The following PLA2R1 variants were observed in gnomAD, a reference collection of about 807,000 sequenced individuals.
The protein encoded by PLA2R1 is phospholipase A2 receptor 1, also known as secretory phospholipase A2 receptor.
In PLA2R1, 158 loss-of-function variants were observed where a neutral mutation model predicts 195.9. That is an observed-to-expected ratio of 0.81 (90% CI 0.71 to 0.92). The LOEUF (loss-of-function observed/expected upper bound fraction) is 0.92, where lower values mean the gene tolerates loss of function less well. PLA2R1 is among the 40% of genes least tolerant of loss of function. The probability of loss-of-function intolerance (pLI) is 0.00; values close to 1 mark genes in which losing one functional copy is unlikely to be tolerated. For missense variants in PLA2R1, 1,626 were observed against 1,764.6 expected, an observed-to-expected ratio of 0.92 and a Z score of 1.41; for synonymous variants, 586 against 598.2, an observed-to-expected ratio of 0.98 and a Z score of 0.30.
At chr2:159,959,879 T>TA (rs978197208) in intron 20 of PLA2R1, among the ~76,000 whole-genome samples, 5 of 152,166 alleles carry the variant, frequency 3.3e-5, no homozygotes, top group African/African-American at 1.2e-4. Flanking sequence ...ACCACTATCT[T>TA]AGCCCAACCT....
At chr2:159,970,294 CT>C (rs1689075933) in intron 17 of PLA2R1, 82 bp from the exon 18 acceptor site, 1 of 846,346 alleles carries the variant, frequency 1.2e-6, no homozygotes, top group Non-Finnish European at 1.9e-6. Context: ...CTGCTAATAG[CT>C]TTCTATTCTT....
Position 159,940,274 on chromosome 2 carries a change from C to G in PLA2R1, c.*1504G>C, listed in dbSNP as rs1469746962. 6.6e-6 allele frequency: 1 copy of G among 152,196 alleles called. No homozygotes were observed. Among genetic ancestry groups the G allele is most frequent in the Non-Finnish European group, 1.5e-5 (1 of 68,040 alleles). 9.4% of individuals were successfully genotyped at this position (152,196 alleles called of 1,614,324 possible). ...GAACCTTACTTCATTTTCATAACCA[C>G]TTGCTATTTTATGCATATGCATTTC... On this transcript the variant is annotated 3_prime_UTR_variant, in exon 30 of 30. Coordinates refer to ENST00000283243, the MANE Select transcript of PLA2R1 (RefSeq NM_007366.5).
intron 8 of PLA2R1, among the ~76,000 whole-genome samples, chr2:160,018,335 C>T (rs896767299): frequency 6.6e-6 from 1 of 152,134 alleles, no homozygotes. Flanking sequence ...AATAAATCAG[C>T]AGATACTGTA....
chr2:159,984,913 C>T (rs185355485), intron 12 of PLA2R1, among the ~76,000 whole-genome samples: 6 of 152,326 alleles, frequency 3.9e-5, no homozygotes, highest in Admixed American at 3.3e-4. Flanking sequence ...GAATGAATAG[C>T]TTTCCAAGTC....
rs1208667935 is a variant in PLA2R1, at chr2:159,976,681, T to C, written c.2437+4A>G. On this transcript the variant is annotated splice_donor_region_variant and intron_variant, in intron 16 of 29. Coordinates refer to ENST00000283243, the MANE Select transcript of PLA2R1 (RefSeq NM_007366.5). ...AATTCAAGAGCTGCCAGAGTCATTC[T>C]TACCGTACTGGTACCAGAACGGAAT... is the stretch of plus-strand genomic sequence containing the variant. 3 of 1,589,106 alleles carry C rather than the reference T, an allele frequency of 1.9e-6. No individual in the cohort carries two copies. Among genetic ancestry groups the C allele is most frequent in the Non-Finnish European group, 2.6e-6 (3 of 1,157,354 alleles).
Position 159,992,906 on chromosome 2 carries a change from G to C in PLA2R1, c.1835-5548C>G, listed in dbSNP as rs879077431. 2.0e-5 allele frequency among the ~76,000 whole-genome samples: 3 copies of C among 152,228 alleles called. No individual in the cohort carries two copies. In the South Asian group the frequency reaches 6.2e-4, roughly 32 times the overall value. ...CATCCCATATGAATGAAACACGCCAGGGGTATCTAGGTCTAGAAACAAAAC... is the reference window on the plus strand; with the variant it reads ...CATCCCATATGAATGAAACACGCCACGGGTATCTAGGTCTAGAAACAAAAC... On this transcript the variant is annotated intron_variant, in intron 11 of 29. Transcript: ENST00000283243.
intron 13 of PLA2R1, among the ~76,000 whole-genome samples, 167 bp downstream of exon 13, chr2:159,983,761 C>T (rs1690132545): frequency 6.6e-6 from 1 of 152,038 alleles, no homozygotes; most frequent in Non-Finnish European, 1.5e-5. Flanking sequence ...AAATGAGAAC[C>T]TGGTACAAGA....
chr2:159,948,983 G>C (rs1308932332), intron 25 of PLA2R1, among the ~76,000 whole-genome samples: 1 of 152,098 alleles, frequency 6.6e-6, no homozygotes, highest in East Asian at 1.9e-4. Flanking sequence ...TTAATAAAGG[G>C]GTTAGGCCAG....
In PLA2R1 at chr2:159,938,530, C is replaced by A. The variant is rs1686936188; in HGVS notation, c.*3248G>T. On this transcript the variant is annotated 3_prime_UTR_variant, in exon 30 of 30. Coordinates refer to ENST00000283243, the MANE Select transcript of PLA2R1 (RefSeq NM_007366.5). ...TGCAGTGTTCGGATAGGGAATTCAA[C>A]AGGAGACACAGCCAGTTCTCAAGAG... The A allele has an allele frequency of 6.6e-6, 1 of 152,314 alleles. No individual in the cohort carries two copies. The highest frequency in any genetic ancestry group is 2.4e-5 in the African/African-American group (1 of 41,468). 9.4% of individuals were successfully genotyped at this position (152,314 alleles called of 1,614,324 possible). A position where few individuals can be genotyped will look rare whatever the true frequency, so the allele number is the denominator to read the frequency against.
chr2:160,062,596 GA>G lies in PLA2R1; in HGVS notation c.-194del. The stretch of plus-strand genomic sequence containing the variant: ...ACTCCGCCACCGCTGTCTCCACAGT[GA>G]ACCGACACTCGGGGCTCTGGGCTGG... On this transcript the variant is annotated 5_prime_UTR_variant, in exon 1 of 30. Transcript: ENST00000283243. 1 of 993,482 alleles carries G rather than the reference GA, an allele frequency of 1.0e-6. No individual in the cohort carries two copies. Among genetic ancestry groups the G allele is most frequent in the Non-Finnish European group, 1.4e-6 (1 of 737,198 alleles). 61.5% of individuals were successfully genotyped at this position (993,482 alleles called of 1,614,324 possible).
intron 6 of PLA2R1, among the ~76,000 whole-genome samples, chr2:160,023,659 T>C (rs1228840244): frequency 1.3e-5 from 2 of 152,236 alleles, no homozygotes; most frequent in Non-Finnish European, 2.9e-5. Flanking sequence ...CTTTATTCCT[T>C]TACTTTCCTA....
At chr2:159,993,644 T>C (rs1690995680) in intron 11 of PLA2R1, among the ~76,000 whole-genome samples, 1 of 151,932 alleles carries the variant, frequency 6.6e-6, no homozygotes, top group Admixed American at 6.6e-5. Context: ...AATTTATATC[T>C]TGTCATACCA....
chr2:160,054,756 T>C (rs1051193506), intron 1 of PLA2R1, among the ~76,000 whole-genome samples: 2 of 152,212 alleles, frequency 1.3e-5, no homozygotes, highest in Non-Finnish European at 2.9e-5. Flanking sequence ...CTTTTGTTTA[T>C]TTTATGAACA....
chr2:160,031,488 G>A (rs79059771), intron 4 of PLA2R1, among the ~76,000 whole-genome samples: 6,384 of 152,252 alleles, frequency 0.042, 360 homozygotes, highest in East Asian at 0.26. Flanking sequence ...CTGAGTGTTT[G>A]TTATGTGTGC....
At chr2:159,968,728 C>A (rs1217044425) in intron 19 of PLA2R1, among the ~76,000 whole-genome samples, 1 of 152,132 alleles carries the variant, frequency 6.6e-6, no homozygotes, top group Non-Finnish European at 1.5e-5. Flanking sequence ...TTTAAAAAAC[C>A]AATCTTCAAC....
chr2:160,024,989 C>T (rs978428209), intron 6 of PLA2R1, among the ~76,000 whole-genome samples: 2 of 152,206 alleles, frequency 1.3e-5, no homozygotes, highest in Admixed American at 1.3e-4. Flanking sequence ...GGAGTCACCA[C>T]TGCCTGGTGC....
chr2:160,016,485 G>C, intron 9 of PLA2R1, 129 bp downstream of exon 9: 2 of 621,100 alleles, frequency 3.2e-6, no homozygotes, highest in Admixed American at 2.7e-5. Context: ...GGGGGTGCGA[G>C]GAGAGAGAGA....
downstream of PLA2R1, among the ~76,000 whole-genome samples, chr2:159,930,180 G>A (rs926533358): frequency 7.2e-5 from 11 of 152,238 alleles, no homozygotes; most frequent in East Asian, 3.9e-4. Context: ...AGGCCAAGGC[G>A]GGTGGATCAC....
intron 26 of PLA2R1, 61 bp from the exon 27 acceptor site, chr2:159,946,978 A>T: frequency 9.7e-7 from 1 of 1,033,194 alleles, no homozygotes; most frequent in Non-Finnish European, 1.5e-6. Context: ...ACTTTAAAAA[A>T]TGTTTCCTAT....
Sources: allele counts gnomAD v4.1 joint callset (sites outside exome capture counted in the v4.1 genomes callset), GRCh38; gene constraint gnomAD v4.1.1; transcripts MANE v1.5; gene names NCBI Gene and HGNC (gene_info 2026-07-23, HGNC 2026-07-21).